Variants in CXCR2 observed in about 807,000 individuals in gnomAD.
The protein encoded by CXCR2 is C-X-C motif chemokine receptor 2, also known as C-X-C chemokine receptor type 2.
In CXCR2, 2 loss-of-function variants were observed where a neutral mutation model predicts 3.7. The ratio of observed to expected loss-of-function variants is 0.55; its 90% CI spans 0.22 to 1.72. The LOEUF (loss-of-function observed/expected upper bound fraction) is 1.72. CXCR2 is among the 40% of genes most tolerant of loss of function. The pLI, the probability that CXCR2 is intolerant of heterozygous loss-of-function variation, is 0.19. For missense variants in CXCR2, 351 were observed against 450.1 expected (o/e 0.78, Z 1.99); for synonymous variants, 203 against 193.3 (o/e 1.05, Z -0.41).
chr2:218,129,334 G>A lies in CXCR2; in HGVS notation c.-57G>A, dbSNP rs1690585512. On this transcript the variant is annotated 5_prime_UTR_variant, in exon 2 of 3. Coordinates refer to ENST00000318507, the MANE Select transcript of CXCR2 (RefSeq NM_001557.4). ...CATAGGTCACAGCTGCTCTTCTGGA[G>A]GTGTCCTACAGGTGAAAAGCCCAGC... 1 of 152,340 alleles carries A rather than the reference G, an allele frequency of 6.6e-6. No homozygotes were observed. Among genetic ancestry groups the A allele is most frequent in the Non-Finnish European group, 1.5e-5 (1 of 68,088 alleles). 9.4% of individuals were successfully genotyped at this position (152,340 alleles called of 1,614,324 possible). A position where few individuals can be genotyped will look rare whatever the true frequency, so the allele number is the denominator to read the frequency against.
intron 2 of CXCR2, among the ~76,000 whole-genome samples, chr2:218,131,627 G>A (rs1460552180): frequency 1.3e-5 from 2 of 151,706 alleles, no homozygotes; most frequent in Non-Finnish European, 2.9e-5. Context: ...CCGCCACCAC[G>A]CCCAGCTAAT....
In CXCR2 at chr2:218,135,687, C is replaced by G. The variant is rs760182360; in HGVS notation, c.886C>G (p.Leu296Val). The change falls in exon 3 of 3, where the codon CTG (leucine) becomes GTG (valine). Residue 296 changes from leucine to valine, a missense_variant. Coordinates refer to ENST00000318507, the MANE Select transcript of CXCR2 (RefSeq NM_001557.4). The surrounding 1 kb of genome is among the most constrained non-coding windows in gnomAD (Gnocchi z 4.0). ...GCGCCGCAATCACATCGACCGGGCT[C>G]TGGATGCCACCGAGATTCTGGGCAT... ...CERRNHIDRALDATEILGILH... is the reference protein window; with the variant it reads ...CERRNHIDRAVDATEILGILH... The G allele has an allele frequency of 6.2e-7, 1 of 1,613,622 alleles. No homozygotes were observed. Among genetic ancestry groups the G allele is most frequent in the East Asian group, 2.2e-5 (1 of 44,850 alleles).
intron 2 of CXCR2, among the ~76,000 whole-genome samples, chr2:218,132,289 T>C (rs919923272): frequency 6.6e-6 from 1 of 152,226 alleles, no homozygotes; most frequent in African/African-American, 2.4e-5. Flanking sequence ...ATCTACTTTC[T>C]GTCTCTACCA....
In CXCR2 at chr2:218,135,236, C is replaced by T; in HGVS notation, c.435C>T (p.Tyr145=). 1.2e-6 allele frequency: 2 copies of T among 1,614,240 alleles called. No homozygotes were observed. The highest frequency in any genetic ancestry group is 1.1e-5 in the South Asian group (1 of 91,084). Residue 145 remains tyrosine (Y), a synonymous_variant, in exon 3 of 3, where the codon TAC becomes TAT. Transcript: ENST00000318507. The surrounding 1 kb of genome is among the most constrained non-coding windows in gnomAD (Gnocchi z 4.0). ...TGGCCTGCATCAGTGTGGACCGTTA[C>T]CTGGCCATTGTCCATGCCACACGCA... ...LLLACISVDR[Y]LAIVHATRTL...
chr2:218,133,435 G>A (rs1690700018), intron 2 of CXCR2, among the ~76,000 whole-genome samples: 1 of 151,622 alleles, frequency 6.6e-6, no homozygotes, highest in Non-Finnish European at 1.5e-5. Flanking sequence ...AAGTAGCTGG[G>A]ATTACAGGTG....
chr2:218,133,613 T>C (rs1442937091), intron 2 of CXCR2, among the ~76,000 whole-genome samples: 1 of 152,166 alleles, frequency 6.6e-6, no homozygotes, highest in African/African-American at 2.4e-5. Context: ...TTTGAATAAC[T>C]GCAGCCCACC....
intron 1 of CXCR2, among the ~76,000 whole-genome samples, chr2:218,128,338 T>A (rs17844679): frequency 7.2e-5 from 11 of 152,186 alleles, no homozygotes; most frequent in African/African-American, 2.4e-4. Context: ...TCAAAGATTC[T>A]TTCTTTGGGG....
chr2:218,127,164 T>C (rs1206289982), intron 1 of CXCR2, among the ~76,000 whole-genome samples: 1 of 151,906 alleles, frequency 6.6e-6, no homozygotes, highest in African/African-American at 2.4e-5. Flanking sequence ...TTTTGCTCTG[T>C]CGCCCAGGCT....
intron 1 of CXCR2, among the ~76,000 whole-genome samples, chr2:218,126,619 G>A (rs552898104): frequency 3.0e-4 from 46 of 152,110 alleles, no homozygotes; most frequent in Non-Finnish European, 5.7e-4. Context: ...GTGTGACTGC[G>A]GATCTCAATT....
chr2:218,134,683 A>C, intron 2 of CXCR2, 94 bp from the exon 3 acceptor site: 1 of 1,197,412 alleles, frequency 8.4e-7, no homozygotes. Context: ...TGTAATACTC[A>C]AGCCAACACA....
intron 2 of CXCR2, among the ~76,000 whole-genome samples, chr2:218,133,788 G>A (rs537429361): frequency 6.6e-6 from 1 of 152,330 alleles, no homozygotes; most frequent in East Asian, 1.9e-4. Context: ...AAGCCACCAA[G>A]CAAGGGTAGT....
Position 218,136,609 on chromosome 2 carries a change from G to A in CXCR2, c.*725G>A, listed in dbSNP as rs199869170. The A allele has an allele frequency of 8.4e-5, 14 of 167,010 alleles. No individual in the cohort carries two copies. The highest frequency in any genetic ancestry group is 3.4e-4 in the African/African-American group (14 of 41,436). 10.3% of individuals were successfully genotyped at this position (167,010 alleles called of 1,614,324 possible). A position where few individuals can be genotyped will look rare whatever the true frequency, so the allele number is the denominator to read the frequency against. On this transcript the variant is annotated 3_prime_UTR_variant, in exon 3 of 3. Transcript: ENST00000318507. ...AATTGACCCACAAGAAATGAAAGCAGGGACTTGAACCCATATTTGTACACC... is the reference window on the plus strand; with the variant it reads ...AATTGACCCACAAGAAATGAAAGCAAGGACTTGAACCCATATTTGTACACC...
chr2:218,132,410 T>A (rs925979815), intron 2 of CXCR2, among the ~76,000 whole-genome samples: 1 of 152,228 alleles, frequency 6.6e-6, no homozygotes, highest in African/African-American at 2.4e-5. Flanking sequence ...GGTTCATCCA[T>A]GTTGTATTGT....
chr2:218,129,248 C>T (rs1320546366), intron 1 of CXCR2, 66 bp from the exon 2 acceptor site: 1 of 152,382 alleles, frequency 6.6e-6, no homozygotes, highest in Non-Finnish European at 1.5e-5. Flanking sequence ...CCCTGAATTG[C>T]ATTGAGCAAT....
intron 2 of CXCR2, 148 bp downstream of exon 2, chr2:218,129,513 C>T (rs1435958861): frequency 6.6e-6 from 1 of 152,340 alleles, no homozygotes; most frequent in Non-Finnish European, 1.5e-5. Flanking sequence ...CATTTTCTCC[C>T]TTTGGGGCTC....
chr2:218,127,746 T>A (rs552919973), intron 1 of CXCR2, among the ~76,000 whole-genome samples: 97 of 152,330 alleles, frequency 6.4e-4, no homozygotes, highest in Non-Finnish European at 9.9e-4. Context: ...AGTCTTCATT[T>A]CCTCTTCCAG....
At position 218,134,968 on chromosome 2, in the gene CXCR2, C is replaced by G. The variant is rs1258704695; in HGVS notation, c.167C>G (p.Ala56Gly). Residue 56 changes from alanine (A) to glycine (G), a missense_variant, in exon 3 of 3, where the codon GCC (alanine) becomes GGC (glycine). Transcript: ENST00000318507. ...AAGTATTTTGTGGTCATTATCTATG[C>G]CCTGGTATTCCTGCTGAGCCTGCTG... ...INKYFVVIIY[A>G]LVFLLSLLGN... 6.2e-7 allele frequency: 1 copy of G among 1,614,060 alleles called. No individual in the cohort carries two copies. The highest frequency in any genetic ancestry group is 1.3e-5 in the African/African-American group (1 of 74,908).
intron 2 of CXCR2, among the ~76,000 whole-genome samples, chr2:218,129,946 T>C (rs1670855008): frequency 6.6e-6 from 1 of 152,186 alleles, no homozygotes; most frequent in Non-Finnish European, 1.5e-5. Flanking sequence ...AGCTCCCTTT[T>C]TATCCTGGAA....
rs952604899 is a variant in CXCR2, at chr2:218,135,938, C to T, written c.*54C>T. 1.3e-6 allele frequency: 2 copies of T among 1,540,002 alleles called. No individual in the cohort carries two copies. The highest frequency in any genetic ancestry group is 8.7e-7 in the Non-Finnish European group (1 of 1,144,062). On this transcript the variant is annotated 3_prime_UTR_variant, in exon 3 of 3. Coordinates refer to ENST00000318507, the MANE Select transcript of CXCR2 (RefSeq NM_001557.4). The surrounding 1 kb of genome is among the most constrained non-coding windows in gnomAD (Gnocchi z 4.0). ...GGTTCCTCCCTTCTCTTCACAGTCACATTCCAAGCCTCATGTCCACTGGTT... is the reference window on the plus strand; with the variant it reads ...GGTTCCTCCCTTCTCTTCACAGTCATATTCCAAGCCTCATGTCCACTGGTT...
Sources: allele counts gnomAD v4.1 joint callset (sites outside exome capture counted in the v4.1 genomes callset), GRCh38; gene constraint gnomAD v4.1.1; non-coding constraint Gnocchi (gnomAD v3.1); transcripts MANE v1.5; gene names NCBI Gene and HGNC (gene_info 2026-07-23, HGNC 2026-07-21).